ROBO2: variants seen among roughly 807,000 people sequenced by gnomAD.
ROBO2 encodes roundabout homolog 2.
A neutral mutation model predicts 160.8 loss-of-function variants in ROBO2; 53 were observed. The ratio of observed to expected loss-of-function variants is 0.33; its 90% CI spans 0.26 to 0.41. The LOEUF is 0.41. Ranked by LOEUF, ROBO2 falls within the 10% of genes least tolerant of loss-of-function variation. ROBO2 has a pLI of 1.00. For synonymous variants in ROBO2, 664 were observed against 611.7 expected, an observed-to-expected ratio of 1.09 and a Z score of -1.26; for missense variants, 1,577 against 1,722.4, an observed-to-expected ratio of 0.92 and a Z score of 1.49.
chr3:76,339,975 C>T (rs1316249611), intron 2 of ROBO2, among the ~76,000 whole-genome samples: 2 of 151,706 alleles, frequency 1.3e-5, no homozygotes. Flanking sequence ...GCTATTAATT[C>T]ATCTTTACTA....
rs1336012597 is a variant in ROBO2, at chr3:76,499,392, C to T, written c.109+561790C>T. On this transcript the variant is annotated intron_variant, in intron 2 of 26. Transcript: ENST00000487694. ...TAGGAGTCCCTTTGTTGACACTCCTCAGCCCTAAGCTTTGCTTCTCTATCC... is the reference window on the plus strand; with the variant it reads ...TAGGAGTCCCTTTGTTGACACTCCTTAGCCCTAAGCTTTGCTTCTCTATCC... 2.0e-5 allele frequency among the ~76,000 whole-genome samples: 3 copies of T among 152,196 alleles called. No homozygotes were observed. In the South Asian group the frequency reaches 6.2e-4, roughly 31 times the overall value.
chr3:77,127,395 A>G (rs2075438444), intron 2 of ROBO2, among the ~76,000 whole-genome samples: 1 of 152,064 alleles, frequency 6.6e-6, no homozygotes, highest in Admixed American at 6.5e-5. Flanking sequence ...TGTGCTCCTC[A>G]CTATCACCAC....
intron 2 of ROBO2, among the ~76,000 whole-genome samples, chr3:75,999,649 A>G (rs2107554674): frequency 6.6e-6 from 1 of 152,288 alleles, no homozygotes; most frequent in Middle Eastern, 3.4e-3. Context: ...ATTTTATTCT[A>G]TTTTAATTTG....
rs192480150 is a variant in ROBO2, at chr3:77,070,415, T to C, written c.62-27599T>C. On this transcript the variant is annotated intron_variant, in intron 1 of 25. Transcript: ENST00000461745. ...CTTTTCCACTGTGTGAGTGTGTGTG[T>C]GTGCGTGTGTGTGTCTTTTTCTATC... Among the ~76,000 whole-genome samples the C allele has an allele frequency of 8.3e-4, 126 of 152,268 alleles. 1 individual carries two copies. The highest frequency in any genetic ancestry group is 7.0e-3 in the Admixed American group (107 of 15,288).
At chr3:77,613,964 A>G (rs369243585) in intron 21 of ROBO2, among the ~76,000 whole-genome samples, 18 of 152,324 alleles carry the variant, frequency 1.2e-4, no homozygotes, top group African/African-American at 4.3e-4. Context: ...CTGGAGGAGT[A>G]CAGCTTATTG....
chr3:77,412,118 C>A (rs952916701), intron 2 of ROBO2, among the ~76,000 whole-genome samples: 1 of 149,694 alleles, frequency 6.7e-6, no homozygotes, highest in Non-Finnish European at 1.5e-5. Context: ...TCGTTAAATA[C>A]CAGGCGGTTC....
chr3:76,915,531 G>A (rs2076246521), intron 2 of ROBO2, among the ~76,000 whole-genome samples: 1 of 151,840 alleles, frequency 6.6e-6, no homozygotes, highest in Non-Finnish European at 1.5e-5. Context: ...TGTGCTGGGT[G>A]TGGTGGTGAG....
chr3:77,402,475 C>G (rs1405193584), intron 2 of ROBO2, among the ~76,000 whole-genome samples: 1 of 151,972 alleles, frequency 6.6e-6, no homozygotes, highest in African/African-American at 2.4e-5. Context: ...TTGGTTGCAG[C>G]CCATGTCAGG....
intron 2 of ROBO2, among the ~76,000 whole-genome samples, chr3:77,239,125 T>C (rs550425730): frequency 2.0e-5 from 3 of 152,066 alleles, no homozygotes; most frequent in African/African-American, 4.8e-5. Flanking sequence ...ACTTCAAGAA[T>C]GAAGCCACGG....
chr3:77,600,789 T>G (rs2094414916), intron 19 of ROBO2, among the ~76,000 whole-genome samples: 1 of 152,210 alleles, frequency 6.6e-6, no homozygotes, highest in African/African-American at 2.4e-5. Context: ...GAATGCAGTA[T>G]GCTTAACATC....
chr3:76,574,339 G>A (rs1578249915), intron 2 of ROBO2, among the ~76,000 whole-genome samples: 2 of 151,998 alleles, frequency 1.3e-5, no homozygotes, highest in African/African-American at 2.4e-5. Flanking sequence ...ATTACTTATA[G>A]TTAAAATAAT....
At chr3:76,520,862 G>A (rs1362582433) in intron 2 of ROBO2, among the ~76,000 whole-genome samples, 1 of 152,050 alleles carries the variant, frequency 6.6e-6, no homozygotes, top group East Asian at 1.9e-4. Flanking sequence ...TTTAGCGTCA[G>A]GCTTCAGAAT....
chr3:77,007,503 C>A (rs568263770), intron 2 of ROBO2, among the ~76,000 whole-genome samples: 1 of 151,954 alleles, frequency 6.6e-6, no homozygotes. Context: ...TGCATTTCTT[C>A]GAAAACACAC....
chr3:76,584,832 A>C (rs1180188634), intron 2 of ROBO2, among the ~76,000 whole-genome samples: 1 of 152,142 alleles, frequency 6.6e-6, no homozygotes, highest in Non-Finnish European at 1.5e-5. Context: ...TACCATTCAC[A>C]TGGCACCCCA....
At chr3:76,741,252 T>A (rs1052615741) in intron 2 of ROBO2, among the ~76,000 whole-genome samples, 4 of 152,060 alleles carry the variant, frequency 2.6e-5, no homozygotes, top group Non-Finnish European at 5.9e-5. Flanking sequence ...TTCCAATTTT[T>A]AAAAATATAA....
At chr3:77,568,265 T>C (rs13063478) in intron 12 of ROBO2, 48 bp from the exon 14 acceptor site, 1 of 1,604,020 alleles carries the variant, frequency 6.2e-7, no homozygotes, top group Non-Finnish European at 8.5e-7. Context: ...AATTGTAATT[T>C]TAATATGAAT....
chr3:77,031,910 T>C (rs4539975), intron 2 of ROBO2, among the ~76,000 whole-genome samples: 34,061 of 151,854 alleles, frequency 0.22, 5,758 homozygotes, highest in African/African-American at 0.47. Flanking sequence ...AGCTGGGAAG[T>C]TCAAGATCAA....
chr3:77,039,885 G>C (rs1231930936), upstream of ROBO2: 1 of 154,628 alleles, frequency 6.5e-6, no homozygotes, highest in Non-Finnish European at 1.4e-5. Context: ...GGCTGGACCC[G>C]GGCGAGGGGC....
intron 2 of ROBO2, among the ~76,000 whole-genome samples, chr3:76,136,395 GT>G (rs2071431092): frequency 2.0e-5 from 3 of 152,130 alleles, no homozygotes; most frequent in Admixed American, 1.3e-4. Flanking sequence ...AGAAATTGCT[GT>G]TGGTAACAAA....
Sources: gnomAD v4.1 joint callset for allele counts (sites outside exome capture counted in the v4.1 genomes callset) on GRCh38, gnomAD v4.1.1 for gene constraint, MANE v1.5 for transcripts, NCBI Gene and HGNC (gene_info 2026-07-23, HGNC 2026-07-21) for gene names.